DTNA: variants seen among roughly 807,000 people sequenced by gnomAD.
The protein encoded by DTNA is dystrobrevin alpha.
Under a neutral mutation model 100.7 loss-of-function variants are expected in DTNA, and 43 were observed. That is an observed-to-expected ratio of 0.43 (90% CI 0.33 to 0.55). The LOEUF (loss-of-function observed/expected upper bound fraction) is 0.55, where lower values mean the gene tolerates loss of function less well. Among genes scored for constraint, DTNA ranks in the 20% least tolerant of loss-of-function variants. The pLI is 0.04. For missense variants in DTNA, 798 were observed against 953.9 expected (o/e 0.84, Z 2.15); for synonymous variants, 349 against 347.9 (o/e 1.00, Z -0.04).
chr18:34,678,767 C>T (rs2077701353), intron 1 of DTNA, among the ~76,000 whole-genome samples: 1 of 152,138 alleles, frequency 6.6e-6, no homozygotes, highest in South Asian at 2.1e-4. Context: ...TAGAGCTTGT[C>T]TCTTTCAGTT....
chr18:34,569,527 A>G (rs2047385043), intron 1 of DTNA, among the ~76,000 whole-genome samples: 2 of 152,228 alleles, frequency 1.3e-5, no homozygotes, highest in Non-Finnish European at 2.9e-5. Context: ...GAAGAACCAG[A>G]AAGGATTCAT....
chr18:34,611,058 AGAG>A (rs1383539729), intron 1 of DTNA, among the ~76,000 whole-genome samples: 2 of 152,344 alleles, frequency 1.3e-5, no homozygotes, highest in African/African-American at 2.4e-5. Flanking sequence ...ATTTTGAGAA[AGAG>A]GAGATTATTT....
At chr18:34,837,550 G>A (rs2096177380) in intron 11 of DTNA, among the ~76,000 whole-genome samples, 2 of 152,116 alleles carry the variant, frequency 1.3e-5, no homozygotes, top group African/African-American at 4.8e-5. Context: ...ATATGTATAA[G>A]ACTCAAAGGT....
intron 1 of DTNA, among the ~76,000 whole-genome samples, chr18:34,685,087 T>G (rs1390605965): frequency 6.6e-6 from 1 of 152,234 alleles, no homozygotes; most frequent in Non-Finnish European, 1.5e-5. Flanking sequence ...TCTCCCATTC[T>G]GTAGGTTGCC....
chr18:34,730,207 G>T (rs1334906939), intron 1 of DTNA, among the ~76,000 whole-genome samples: 2 of 152,198 alleles, frequency 1.3e-5, no homozygotes, highest in Non-Finnish European at 2.9e-5. Context: ...GCACTTAACA[G>T]ATAATACCCA....
chr18:34,542,637 G>C (rs1178036924), intron 1 of DTNA, among the ~76,000 whole-genome samples: 1 of 151,172 alleles, frequency 6.6e-6, no homozygotes, highest in Non-Finnish European at 1.5e-5. Flanking sequence ...AATGTCCAGA[G>C]ACTAGAGACT....
intron 18 of DTNA, among the ~76,000 whole-genome samples, chr18:34,876,093 G>A (rs2096814387): frequency 6.6e-6 from 1 of 152,108 alleles, no homozygotes; most frequent in Admixed American, 6.6e-5. Flanking sequence ...ATTCCCAGAA[G>A]TAACCACTAT....
intron 1 of DTNA, chr18:34,494,085 G>C (rs2038893175): frequency 6.6e-6 from 1 of 151,732 alleles, no homozygotes; most frequent in Admixed American, 6.6e-5. Context: ...CCGCGGCGCC[G>C]CTCGGGGGGT....
At chr18:34,549,269 A>G (rs1331161621) in intron 1 of DTNA, among the ~76,000 whole-genome samples, 1 of 152,120 alleles carries the variant, frequency 6.6e-6, no homozygotes, top group East Asian at 1.9e-4. Context: ...CATCTTCTTT[A>G]AATCCCATCA....
At chr18:34,497,873 A>G (rs1031914569) in intron 1 of DTNA, among the ~76,000 whole-genome samples, 97 of 152,354 alleles carry the variant, frequency 6.4e-4, no homozygotes, top group African/African-American at 2.3e-3. Context: ...ATTGAGCACC[A>G]TTTGAAACTA....
At chr18:34,629,786 C>A (rs1206095196) in intron 1 of DTNA, among the ~76,000 whole-genome samples, 1 of 152,134 alleles carries the variant, frequency 6.6e-6, no homozygotes, top group Admixed American at 6.5e-5. Context: ...TGTCCTGAAC[C>A]ACCTTCCTCC....
At chr18:34,727,461 T>G (rs2086971754) in intron 1 of DTNA, among the ~76,000 whole-genome samples, 1 of 152,206 alleles carries the variant, frequency 6.6e-6, no homozygotes, top group Non-Finnish European at 1.5e-5. Context: ...ATTCACAGTA[T>G]TGTGAAAACA....
intron 1 of DTNA, among the ~76,000 whole-genome samples, chr18:34,530,817 C>G (rs1056082202): frequency 7.2e-5 from 11 of 152,120 alleles, no homozygotes; most frequent in African/African-American, 2.7e-4. Context: ...AACCATTCTG[C>G]TAATTTCCAG....
intron 3 of DTNA, among the ~76,000 whole-genome samples, chr18:34,777,423 T>C (rs2094116360): frequency 6.6e-6 from 1 of 152,234 alleles, no homozygotes; most frequent in South Asian, 2.1e-4. Flanking sequence ...CATTAAGTTG[T>C]ATTTCAGAAA....
At position 34,653,639 on chromosome 18, in the gene DTNA, G is replaced by A. The variant is rs952626631; in HGVS notation, c.-1-102337G>A. Among the ~76,000 whole-genome samples the A allele has an allele frequency of 1.8e-4, 28 of 152,096 alleles. No homozygotes were observed. In the Middle Eastern group the frequency reaches 0.01, roughly 55 times the overall value. ...GGAGTTTGAGACCAGCCTGGTCAAC[G>A]TGGTGAAACCCCATTTCTACTAAAA... On this transcript the variant is annotated intron_variant, in intron 1 of 19. Coordinates refer to the DTNA transcript ENST00000283365.
rs1600594888 is a variant in DTNA at position 34,710,327 on chromosome 18, A to T, written c.-120A>T. Reference sequence around the variant, plus strand: ...ATGAACACAGCTTTTTATTGAAGTTAAAGGTTACTTTGGAGTTTGTTTGGA... The same window carrying T: ...ATGAACACAGCTTTTTATTGAAGTTTAAGGTTACTTTGGAGTTTGTTTGGA... On this transcript the variant is annotated 5_prime_UTR_variant, in exon 1 of 23. Transcript: ENST00000444659. The T allele has an allele frequency of 2.0e-5, 3 of 152,340 alleles. No homozygotes were observed. The South Asian group carries it at 6.2e-4, about 32-fold the overall frequency. The allele number at this position is 152,340 out of a possible 1,614,324, so 9.4% of individuals were successfully genotyped here.
intron 16 of DTNA, among the ~76,000 whole-genome samples, chr18:34,861,583 T>G (rs1213281619): frequency 6.6e-6 from 1 of 151,792 alleles, no homozygotes; most frequent in Non-Finnish European, 1.5e-5. Flanking sequence ...AGGCACTTCT[T>G]TAGAGATGAA....
intron 1 of DTNA, among the ~76,000 whole-genome samples, chr18:34,595,414 A>C (rs557106568): frequency 3.3e-5 from 5 of 152,320 alleles, no homozygotes; most frequent in African/African-American, 9.6e-5. Flanking sequence ...CACAAAATGT[A>C]AAATTCTAAA....
chr18:34,648,215 T>G (rs2060068793), intron 1 of DTNA, among the ~76,000 whole-genome samples: 1 of 152,162 alleles, frequency 6.6e-6, no homozygotes, highest in Admixed American at 6.5e-5. Flanking sequence ...GCTAAAAAAA[T>G]AGGCAAGGGC....
Sources: gnomAD v4.1 joint callset for allele counts (sites outside exome capture counted in the v4.1 genomes callset) on GRCh38, gnomAD v4.1.1 for gene constraint, MANE v1.5 for transcripts, NCBI Gene and HGNC (gene_info 2026-07-23, HGNC 2026-07-21) for gene names.